The following MIR2052HG variants were observed in gnomAD, a reference collection of about 807,000 sequenced individuals.
MIR2052HG encodes MIR2052 host gene.
intron 4 of MIR2052HG, among the ~76,000 whole-genome samples, chr8:74,705,502 C>T (rs1809401182): frequency 6.6e-6 from 1 of 151,936 alleles, no homozygotes. Context: ...CCTTTTGATG[C>T]CCCAGACTGT....
At chr8:74,753,237 C>T (rs771643393) in intron 5 of MIR2052HG, among the ~76,000 whole-genome samples, 5 of 152,196 alleles carry the variant, frequency 3.3e-5, no homozygotes, top group Non-Finnish European at 5.9e-5. Context: ...GTCTTCGTTA[C>T]ACCAATCCAA....
chr8:74,603,234 G>A (rs2018349), intron 1 of MIR2052HG: 362,256 of 1,271,834 alleles, frequency 0.28, 55,393 homozygotes, highest in East Asian at 0.56. Context: ...TACACAGATG[G>A]ATCATGGGTG....
At chr8:74,726,956 C>T (rs1809643368) in intron 4 of MIR2052HG, among the ~76,000 whole-genome samples, 1 of 152,124 alleles carries the variant, frequency 6.6e-6, no homozygotes, top group African/African-American at 2.4e-5. Context: ...GTTATCTTTC[C>T]AATGCCAAGT....
intron 2 of MIR2052HG, among the ~76,000 whole-genome samples, chr8:74,679,333 C>G (rs1272525691): frequency 1.3e-5 from 2 of 151,980 alleles, no homozygotes; most frequent in Non-Finnish European, 2.9e-5. Flanking sequence ...TTATAAGTGA[C>G]AACACATGAT....
intron 4 of MIR2052HG, among the ~76,000 whole-genome samples, chr8:74,706,160 C>A (rs949627165): frequency 6.6e-6 from 1 of 152,054 alleles, no homozygotes; most frequent in South Asian, 2.1e-4. Context: ...CCAGCTTGAA[C>A]CTCCAAGTCA....
At chr8:74,663,275 A>T (rs954617965) in intron 2 of MIR2052HG, among the ~76,000 whole-genome samples, 3 of 152,174 alleles carry the variant, frequency 2.0e-5, no homozygotes, top group Non-Finnish European at 4.4e-5. Flanking sequence ...GACAAAGTTT[A>T]TTGGGTTACA....
intron 2 of MIR2052HG, among the ~76,000 whole-genome samples, chr8:74,676,893 T>C (rs1316951131): frequency 6.6e-6 from 1 of 151,962 alleles, no homozygotes; most frequent in African/African-American, 2.4e-5. Context: ...TACAGGTATA[T>C]CAAAATGTCA....
chr8:74,727,501 A>T (rs1193478289), intron 4 of MIR2052HG, among the ~76,000 whole-genome samples: 1 of 143,024 alleles, frequency 7.0e-6, no homozygotes, highest in Non-Finnish European at 1.6e-5. Context: ...GATAACCAAG[A>T]AGACGATGTT....
At chr8:74,603,359 T>G in intron 1 of MIR2052HG, 1 of 1,611,280 alleles carries the variant, frequency 6.2e-7, no homozygotes. Flanking sequence ...AGGCTAATGC[T>G]GGCAGCAGAT....
chr8:74,654,722 T>G (rs757710854), intron 2 of MIR2052HG, among the ~76,000 whole-genome samples: 1 of 152,056 alleles, frequency 6.6e-6, no homozygotes, highest in Non-Finnish European at 1.5e-5. Context: ...TTATTAGCAG[T>G]GTGAAAATGG....
intron 2 of MIR2052HG, among the ~76,000 whole-genome samples, chr8:74,667,684 C>A (rs1286132761): frequency 6.6e-6 from 1 of 151,992 alleles, no homozygotes; most frequent in African/African-American, 2.4e-5. Flanking sequence ...ATACTGAAAC[C>A]CCCAACAGAC....
chr8:74,739,683 A>C (rs1482879608), intron 4 of MIR2052HG, among the ~76,000 whole-genome samples: 1 of 152,196 alleles, frequency 6.6e-6, no homozygotes, highest in Non-Finnish European at 1.5e-5. Context: ...CATAGAAGGA[A>C]TACATATGTG....
At chr8:74,649,800 A>G (rs1376044721) in intron 2 of MIR2052HG, among the ~76,000 whole-genome samples, 2 of 152,048 alleles carry the variant, frequency 1.3e-5, no homozygotes, top group East Asian at 1.9e-4. Context: ...ATTTAAGTTC[A>G]GGTGGTTGTT....
chr8:74,696,468 C>A (rs1477959919), intron 2 of MIR2052HG, among the ~76,000 whole-genome samples: 1 of 151,642 alleles, frequency 6.6e-6, no homozygotes, highest in Non-Finnish European at 1.5e-5. Flanking sequence ...AAGAAATAAC[C>A]AAGATCAAAG....
intron 2 of MIR2052HG, among the ~76,000 whole-genome samples, chr8:74,653,047 C>T (rs1045798219): frequency 1.3e-5 from 2 of 152,190 alleles, no homozygotes; most frequent in Non-Finnish European, 2.9e-5. Flanking sequence ...TTTAGCTATA[C>T]CTAAACTTTT....
intron 2 of MIR2052HG, among the ~76,000 whole-genome samples, chr8:74,676,460 T>C (rs1316506459): frequency 6.6e-6 from 1 of 151,522 alleles, no homozygotes; most frequent in Non-Finnish European, 1.5e-5. Flanking sequence ...AAAGATTACA[T>C]TAAAAAATAG....
chr8:74,684,725 A>G (rs966570734), intron 2 of MIR2052HG, among the ~76,000 whole-genome samples: 2 of 152,174 alleles, frequency 1.3e-5, no homozygotes, highest in Non-Finnish European at 2.9e-5. Context: ...AACCATCACT[A>G]AGGTGGTAGA....
intron 4 of MIR2052HG, among the ~76,000 whole-genome samples, chr8:74,706,879 C>T (rs1339486506): frequency 6.6e-6 from 1 of 151,892 alleles, no homozygotes; most frequent in African/African-American, 2.4e-5. Context: ...GAAATGAAGT[C>T]GTTGGGGAGG....
At chr8:74,631,882 T>C (rs2128734262) in intron 2 of MIR2052HG, among the ~76,000 whole-genome samples, 1 of 152,268 alleles carries the variant, frequency 6.6e-6, no homozygotes, top group East Asian at 1.9e-4. Flanking sequence ...ACAAACATGC[T>C]CCCTTCACCT....
Sources: gnomAD v4.1 joint callset for allele counts (sites outside exome capture counted in the v4.1 genomes callset) on GRCh38, gnomAD v4.1.1 for gene constraint, MANE v1.5 for transcripts, NCBI Gene and HGNC (gene_info 2026-07-23, HGNC 2026-07-21) for gene names.